LEPR: variants seen among roughly 807,000 people sequenced by gnomAD.
LEPR encodes OB receptor.
A neutral mutation model predicts 114.7 loss-of-function variants in LEPR; 56 were observed. The ratio of observed to expected loss-of-function variants is 0.49; its 90% CI spans 0.39 to 0.61. LEPR has a LOEUF of 0.61. Ranked by LOEUF, LEPR falls within the 20% of genes least tolerant of loss-of-function variation. The pLI, the probability that LEPR is intolerant of heterozygous loss-of-function variation, is 0.00. For missense variants in LEPR, 1,202 were observed against 1,352.9 expected (o/e 0.89, Z 1.75); for synonymous variants, 443 against 461.4 (o/e 0.96, Z 0.51).
intron 2 of LEPR, among the ~76,000 whole-genome samples, chr1:65,456,317 G>A (rs1646875870): frequency 6.6e-6 from 1 of 152,024 alleles, no homozygotes; most frequent in Non-Finnish European, 1.5e-5. Flanking sequence ...CCCCATAGAT[G>A]TTAATTATAT....
intron 2 of LEPR, among the ~76,000 whole-genome samples, chr1:65,519,860 G>T (rs1188652994): frequency 1.3e-5 from 2 of 151,752 alleles, no homozygotes; most frequent in African/African-American, 4.8e-5. Flanking sequence ...TGTTTTTTTT[G>T]TTTTGTTTTG....
Position 65,433,290 on chromosome 1 carries a change from T to C in LEPR, c.-21+7912T>C, listed in dbSNP as rs532870363. On this transcript the variant is annotated intron_variant, in intron 2 of 19. Coordinates refer to ENST00000349533, the MANE Select transcript of LEPR (RefSeq NM_002303.6). ...GGGTGAACTGCTTAATTTCACTACG[T>C]GTTGATGTACTTGTCTTCCGTCCTG... 4.9e-4 allele frequency: 478 copies of C among 985,412 alleles called. 4 individuals are homozygous for C. In the South Asian group the frequency reaches 0.011, roughly 23 times the overall value. 61.0% of individuals were successfully genotyped at this position (985,412 alleles called of 1,614,324 possible). A position where few individuals can be genotyped will look rare whatever the true frequency, so the allele number is the denominator to read the frequency against.
At position 65,476,744 on chromosome 1, in the gene LEPR, T is replaced by G. The variant is rs187238758; in HGVS notation, c.-21+51366T>G. Among the ~76,000 whole-genome samples the G allele has an allele frequency of 2.0e-5, 3 of 152,290 alleles. No homozygotes were observed. The East Asian group carries it at 5.8e-4, about 29-fold the overall frequency. On this transcript the variant is annotated intron_variant, in intron 2 of 19. Transcript: ENST00000349533. ...CACAATGCACTATGAGATATTTACA[T>G]ATAATTCTTCAGTAACCCAATTGAG...
chr1:65,615,898 G>C, intron 14 of LEPR, 110 bp from the exon 15 acceptor site: 1 of 1,428,434 alleles, frequency 7.0e-7, no homozygotes, highest in Non-Finnish European at 9.6e-7. Context: ...TACCTGCCCT[G>C]ATCTGGCCCC....
chr1:65,604,039 A>G (rs962262707), intron 10 of LEPR, among the ~76,000 whole-genome samples: 2 of 152,050 alleles, frequency 1.3e-5, no homozygotes, highest in Non-Finnish European at 2.9e-5. Flanking sequence ...CTTCCTTGCC[A>G]TCTCAGGAAT....
chr1:65,445,657 A>T (rs1052168547), intron 2 of LEPR, among the ~76,000 whole-genome samples: 2 of 151,872 alleles, frequency 1.3e-5, no homozygotes, highest in African/African-American at 4.8e-5. Context: ...TTTAAACAGC[A>T]AATCTTTCAA....
intron 2 of LEPR, among the ~76,000 whole-genome samples, chr1:65,551,720 A>T (rs922824925): frequency 6.6e-6 from 1 of 151,808 alleles, no homozygotes; most frequent in African/African-American, 2.4e-5. Context: ...TTCTGCCCTG[A>T]TCTTAGTTAT....
chr1:65,530,733 T>G (rs78679047), intron 2 of LEPR, among the ~76,000 whole-genome samples: 9 of 152,126 alleles, frequency 5.9e-5, no homozygotes, highest in Admixed American at 1.3e-4. Flanking sequence ...ATGACCTGTA[T>G]CTTGTCCTGA....
At chr1:65,501,316 C>T (rs946377827) in intron 2 of LEPR, among the ~76,000 whole-genome samples, 3 of 148,540 alleles carry the variant, frequency 2.0e-5, no homozygotes, top group African/African-American at 5.1e-5. Context: ...TATCCCTTGC[C>T]TCTTTTAGCT....
At position 65,616,109 on chromosome 1, in the gene LEPR, G is replaced by A. The variant is rs370451876; in HGVS notation, c.2097G>A (p.Thr699=). The change falls in exon 15 of 20, where the codon ACG becomes ACA. Residue 699 remains threonine, a synonymous_variant. Coordinates refer to ENST00000349533, the MANE Select transcript of LEPR (RefSeq NM_002303.6). ...GGTCAGAAGATGTGGGAAATCACAC[G>A]AAATTCACTTTCCTGTGGACAGAGC... ...GTWSEDVGNH[T]KFTFLWTEQA... 19 of 1,614,060 alleles carry A rather than the reference G, an allele frequency of 1.2e-5. 1 individual carries two copies. The East Asian group carries it at 2.2e-4, about 19-fold the overall frequency.
At chr1:65,620,355 G>A (rs1419920229) in intron 17 of LEPR, among the ~76,000 whole-genome samples, 1 of 152,008 alleles carries the variant, frequency 6.6e-6, no homozygotes, top group Non-Finnish European at 1.5e-5. Context: ...CATTTCATTT[G>A]TTGTTAGAAT....
At chr1:65,422,121 G>T (rs1011978849) in intron 1 of LEPR, among the ~76,000 whole-genome samples, 3 of 152,136 alleles carry the variant, frequency 2.0e-5, no homozygotes, top group Non-Finnish European at 4.4e-5. Context: ...TAATTCCCTG[G>T]TACCTGTGAA....
Position 65,603,939 on chromosome 1 carries a change from ATTAAC to A in LEPR, c.1404-1095_1404-1091del, listed in dbSNP as rs1178945673. Reference sequence around the variant, plus strand: ...CATACATATCTGAAATTGGTATTATATTAACTTATATTAATTTGAACTAGAAAATT... The same window carrying A: ...CATACATATCTGAAATTGGTATTATATTATATTAATTTGAACTAGAAAATT... On this transcript the variant is annotated intron_variant, in intron 10 of 19. Transcript: ENST00000349533. Among the ~76,000 whole-genome samples the A allele has an allele frequency of 2.6e-5, 4 of 152,104 alleles. 1 individual carries two copies. Among genetic ancestry groups the A allele is most frequent in the Admixed American group, 2.6e-4 (4 of 15,284 alleles).
At chr1:65,605,789 G>A (rs1656769242) in intron 11 of LEPR, among the ~76,000 whole-genome samples, 1 of 152,120 alleles carries the variant, frequency 6.6e-6, no homozygotes, top group Non-Finnish European at 1.5e-5. Context: ...AGAGCCCTTG[G>A]AAAATGTGAT....
At chr1:65,629,028 A>G (rs186744298) in intron 19 of LEPR, among the ~76,000 whole-genome samples, 5 of 152,218 alleles carry the variant, frequency 3.3e-5, no homozygotes, top group East Asian at 3.9e-4. Flanking sequence ...TTATGCCACT[A>G]TGAAATGTAG....
intron 2 of LEPR, chr1:65,429,795 G>T: frequency 2.4e-6 from 3 of 1,253,924 alleles, no homozygotes; most frequent in Non-Finnish European, 3.2e-6. Flanking sequence ...TGAAATAGTA[G>T]TATGTCTTTC....
chr1:65,582,508 G>A (rs1655056505), intron 5 of LEPR, among the ~76,000 whole-genome samples: 1 of 152,162 alleles, frequency 6.6e-6, no homozygotes, highest in Non-Finnish European at 1.5e-5. Flanking sequence ...CACCATTGCA[G>A]CTGGCTTTCC....
intron 2 of LEPR, among the ~76,000 whole-genome samples, chr1:65,468,008 G>A (rs1471772802): frequency 6.6e-6 from 1 of 152,212 alleles, no homozygotes. Context: ...GTGAGGTGAT[G>A]CCCTGCCCTG....
At chr1:65,523,358 T>A (rs963525437) in intron 2 of LEPR, among the ~76,000 whole-genome samples, 3 of 152,234 alleles carry the variant, frequency 2.0e-5, no homozygotes, top group African/African-American at 7.2e-5. Flanking sequence ...TCACCAAGGC[T>A]GGAGTGCAGT....
Sources: allele counts gnomAD v4.1 joint callset (sites outside exome capture counted in the v4.1 genomes callset), GRCh38; gene constraint gnomAD v4.1.1; transcripts MANE v1.5; gene names NCBI Gene and HGNC (gene_info 2026-07-23, HGNC 2026-07-21).